Variants in SLC5A4 observed in about 807,000 individuals in gnomAD.
SLC5A4 encodes probable glucose sensor protein SLC5A4.
A neutral mutation model predicts 70.3 loss-of-function variants in SLC5A4; 55 were observed. The ratio of observed to expected loss-of-function variants is 0.78; its 90% CI spans 0.63 to 0.98. SLC5A4 has a LOEUF of 0.98. SLC5A4 is among the 50% of genes least tolerant of loss of function. The pLI is 0.00. For missense variants in SLC5A4, 735 were observed against 839.2 expected (o/e 0.88, Z 1.53); for synonymous variants, 268 against 305.7 (o/e 0.88, Z 1.29).
the SLC5A4 span, among the ~76,000 whole-genome samples, chr22:32,287,801 A>C: frequency 6.7e-6 from 1 of 149,736 alleles, no homozygotes; most frequent in Non-Finnish European, 1.5e-5. Context: ...AATATTTCAA[A>C]ATTGTTACCC....
chr22:32,222,875 T>A (rs1047797390), intron 13 of SLC5A4, among the ~76,000 whole-genome samples: 3 of 152,204 alleles, frequency 2.0e-5, no homozygotes, highest in African/African-American at 7.2e-5. Context: ...ATATAAGCAG[T>A]ATTTATATTT....
chr22:32,274,974 G>A, the SLC5A4 span, among the ~76,000 whole-genome samples: 1 of 152,136 alleles, frequency 6.6e-6, no homozygotes, highest in African/African-American at 2.4e-5. Context: ...TCTTTCTCTA[G>A]TCAGTCTTCA....
the SLC5A4 span, among the ~76,000 whole-genome samples, chr22:32,307,819 C>T: frequency 2.2e-4 from 34 of 152,334 alleles, no homozygotes; most frequent in Non-Finnish European, 4.3e-4. Context: ...GTGATTAGGG[C>T]GTCATCCAGG....
chr22:32,263,642 G>A, the SLC5A4 span, among the ~76,000 whole-genome samples: 8 of 152,282 alleles, frequency 5.3e-5, no homozygotes, highest in Admixed American at 1.3e-4. Flanking sequence ...ACAGTGTGGC[G>A]AATCCTCAAG....
chr22:32,278,105 G>A, the SLC5A4 span, among the ~76,000 whole-genome samples: 1 of 152,130 alleles, frequency 6.6e-6, no homozygotes, highest in Non-Finnish European at 1.5e-5. Context: ...GTCACTTAGC[G>A]TGTTAGGGTC....
At chr22:32,313,235 A>G in the SLC5A4 span, among the ~76,000 whole-genome samples, 1 of 152,232 alleles carries the variant, frequency 6.6e-6, no homozygotes, top group Non-Finnish European at 1.5e-5. Flanking sequence ...AACAGTGTGC[A>G]TTGACCTCAG....
chr22:32,324,768 C>T, the SLC5A4 span, among the ~76,000 whole-genome samples: 1 of 152,220 alleles, frequency 6.6e-6, no homozygotes, highest in Admixed American at 6.5e-5. Context: ...CTTAGGCACC[C>T]ACCTAATACC....
chr22:32,268,894 A>G, the SLC5A4 span, among the ~76,000 whole-genome samples: 3 of 152,120 alleles, frequency 2.0e-5, no homozygotes, highest in Non-Finnish European at 4.4e-5. Flanking sequence ...TATTTAAAGT[A>G]TTTTTTGCAT....
chr22:32,234,477 T>A (rs1221921216), intron 8 of SLC5A4, among the ~76,000 whole-genome samples: 1 of 152,134 alleles, frequency 6.6e-6, no homozygotes, highest in Admixed American at 6.5e-5. Context: ...GGCGGGCAGA[T>A]CACCTAAGGT....
At chr22:32,304,626 A>G in the SLC5A4 span, among the ~76,000 whole-genome samples, 2 of 152,122 alleles carry the variant, frequency 1.3e-5, 1 homozygote, top group South Asian at 4.1e-4. Flanking sequence ...TATTTTGGCT[A>G]ATGACCCTTT....
chr22:32,242,276 C>G (rs1362425579), intron 5 of SLC5A4, among the ~76,000 whole-genome samples: 1 of 152,160 alleles, frequency 6.6e-6, no homozygotes, highest in African/African-American at 2.4e-5. Flanking sequence ...AGGACTGGAG[C>G]AGGGCTGGTA....
the SLC5A4 span, among the ~76,000 whole-genome samples, chr22:32,308,295 C>G: frequency 7.0e-6 from 1 of 143,534 alleles, no homozygotes. Context: ...CAAGTCTGCA[C>G]CTCCAGGAAC....
the SLC5A4 span, among the ~76,000 whole-genome samples, chr22:32,340,768 G>A: frequency 6.6e-6 from 1 of 152,172 alleles, no homozygotes; most frequent in South Asian, 2.1e-4. Flanking sequence ...ACAGTGGGGT[G>A]GGGTGGGGTC....
At chr22:32,343,856 A>G in the SLC5A4 span, among the ~76,000 whole-genome samples, 1 of 152,238 alleles carries the variant, frequency 6.6e-6, no homozygotes, top group Non-Finnish European at 1.5e-5. Flanking sequence ...TCAGAAGAGA[A>G]GCAGAATCAT....
chr22:32,348,601 C>A, the SLC5A4 span, among the ~76,000 whole-genome samples: 1 of 152,206 alleles, frequency 6.6e-6, no homozygotes, highest in South Asian at 2.1e-4. Context: ...GTTAGTACAT[C>A]TTTAATGTTA....
chr22:32,321,431 G>A, the SLC5A4 span, among the ~76,000 whole-genome samples: 1 of 151,442 alleles, frequency 6.6e-6, no homozygotes, highest in African/African-American at 2.4e-5. Context: ...CAGCCTGGAT[G>A]GCAGAGCGAG....
chr22:32,261,428 G>A, the SLC5A4 span, among the ~76,000 whole-genome samples: 218 of 152,352 alleles, frequency 1.4e-3, 2 homozygotes, highest in African/African-American at 5.0e-3. Context: ...AGGCAGGAGC[G>A]AGGTGGGGGC....
intron 8 of SLC5A4, among the ~76,000 whole-genome samples, chr22:32,234,557 G>A (rs999468273): frequency 2.0e-5 from 3 of 152,016 alleles, no homozygotes; most frequent in Non-Finnish European, 4.4e-5. Context: ...AAATTAGCTG[G>A]GCGTGGTGGT....
At chr22:32,269,379 G>A in the SLC5A4 span, 1 of 432,296 alleles carries the variant, frequency 2.3e-6, no homozygotes. The surrounding 1 kb of genome is among the most constrained non-coding windows in gnomAD (Gnocchi z 4.1). Flanking sequence ...CTGTCCTGTA[G>A]AAGCTACCTC....
Sources: allele counts gnomAD v4.1 joint callset (sites outside exome capture counted in the v4.1 genomes callset), GRCh38; gene constraint gnomAD v4.1.1; non-coding constraint Gnocchi (gnomAD v3.1); transcripts MANE v1.5; gene names NCBI Gene and HGNC (gene_info 2026-07-23, HGNC 2026-07-21).